Variants in PXDC1 observed in about 807,000 individuals in gnomAD.
The protein encoded by PXDC1 is PX domain containing 1.
PXDC1 carries 13 observed loss-of-function variants against 24.4 expected under a neutral mutation model. The observed-to-expected ratio is 0.53, with a 90% CI of 0.35 to 0.85. PXDC1 has a LOEUF of 0.85. Ranked by LOEUF, PXDC1 falls within the 40% of genes least tolerant of loss-of-function variation. PXDC1 has a pLI of 0.01. For synonymous variants in PXDC1, 162 were observed against 124.9 expected, an observed-to-expected ratio of 1.30 and a Z score of -1.98; for missense variants, 344 against 309.3, an observed-to-expected ratio of 1.11 and a Z score of -0.84.
intron 1 of PXDC1, among the ~76,000 whole-genome samples, chr6:3,743,696 T>C (rs896922841): frequency 2.6e-5 from 4 of 152,252 alleles, no homozygotes; most frequent in African/African-American, 9.6e-5. Context: ...AACCTGAGGC[T>C]GCTCTTCGCT....
intron 1 of PXDC1, among the ~76,000 whole-genome samples, chr6:3,750,470 G>T (rs1479764206): frequency 1.0e-4 from 15 of 147,326 alleles, no homozygotes; most frequent in Admixed American, 1.0e-3. Context: ...CCTCCACCCC[G>T]CAATTCTTCC....
rs139817927 is a variant in PXDC1 at position 3,740,159 on chromosome 6, G to A, written c.257-2011C>T. ...ATACCCATTTCATAGGACAGAAAGC[G>A]TGACCTAACAATTTACAGGTATTAT... On this transcript the variant is annotated intron_variant, in intron 1 of 4. Coordinates refer to ENST00000380283, the MANE Select transcript of PXDC1 (RefSeq NM_183373.4). Among the ~76,000 whole-genome samples the A allele has an allele frequency of 2.0e-3, 309 of 152,288 alleles. 1 individual carries two copies. The highest frequency in any genetic ancestry group is 6.9e-3 in the African/African-American group (286 of 41,566).
At chr6:3,726,964 A>C (rs896236074) in intron 4 of PXDC1, among the ~76,000 whole-genome samples, 1 of 152,220 alleles carries the variant, frequency 6.6e-6, no homozygotes, top group East Asian at 1.9e-4. Context: ...CTGTGTCAGG[A>C]AACAGAGGCC....
At chr6:3,744,718 A>T (rs552791553) in intron 1 of PXDC1, among the ~76,000 whole-genome samples, 14 of 151,938 alleles carry the variant, frequency 9.2e-5, no homozygotes, top group South Asian at 2.1e-4. Context: ...TTTATTTGAG[A>T]CGAAGTCTCG....
At chr6:3,736,020 C>T (rs747259334) in intron 3 of PXDC1, among the ~76,000 whole-genome samples, 1 of 152,174 alleles carries the variant, frequency 6.6e-6, no homozygotes, top group African/African-American at 2.4e-5. Flanking sequence ...CTCCAGGTTC[C>T]AGAACCTGCC....
intron 1 of PXDC1, among the ~76,000 whole-genome samples, chr6:3,744,554 G>T (rs1167831504): frequency 6.6e-6 from 1 of 152,236 alleles, no homozygotes; most frequent in African/African-American, 2.4e-5. Flanking sequence ...GGAGGGCAGG[G>T]GTGGGGAGAG....
Position 3,727,647 on chromosome 6 carries a change from T to G in PXDC1, c.482A>C (p.Asn161Thr). ...PVKISEIMRS[N>T]GFCLANTETI... ...TTCGGTATTTGCTAAACAAAATCCA[T>G]TGGACCTCATGATTTCTGAAAACCA... Residue 161 changes from asparagine (N) to threonine (T), a missense_variant, in exon 4 of 5, where the codon AAT becomes ACT. By Grantham distance (65) the Asn-to-Thr change is moderately conservative. Coordinates refer to ENST00000380283, the MANE Select transcript of PXDC1 (RefSeq NM_183373.4). 6.2e-7 allele frequency: 1 copy of G among 1,612,970 alleles called. No individual in the cohort carries two copies. The highest frequency in any genetic ancestry group is 8.5e-7 in the Non-Finnish European group (1 of 1,178,904).
At chr6:3,730,001 A>G (rs59177854) in intron 3 of PXDC1, among the ~76,000 whole-genome samples, 15,287 of 152,242 alleles carry the variant, frequency 0.1, 1,095 homozygotes, top group African/African-American at 0.2. Flanking sequence ...TAGATTTGTA[A>G]GCAATCCTTC....
Position 3,751,569 on chromosome 6 carries a change from GCCGCCCGC to G in PXDC1, c.-46_-39del. On this transcript the variant is annotated 5_prime_UTR_variant, in exon 1 of 5. Transcript: ENST00000380283. ...CCCCCGCCAAGGGCTCCCCAGCCCC[GCCGCCCGC>G]CCGCCCGCAGGAGGCGCGCCCCGGC... 4 of 1,473,808 alleles carry G rather than the reference GCCGCCCGC, an allele frequency of 2.7e-6. No homozygotes were observed. The highest frequency in any genetic ancestry group is 1.8e-4 in the Middle Eastern group (1 of 5,450). The allele number at this position is 1,473,808 out of a possible 1,614,324, so 91.3% of individuals were successfully genotyped here. A position where few individuals can be genotyped will look rare whatever the true frequency, so the allele number is the denominator to read the frequency against.
intron 1 of PXDC1, among the ~76,000 whole-genome samples, chr6:3,747,443 A>C (rs1183063453): frequency 6.6e-6 from 1 of 151,968 alleles, no homozygotes; most frequent in Non-Finnish European, 1.5e-5. Context: ...TAAAAGCCCA[A>C]ATGTGACCAC....
At chr6:3,745,432 C>T (rs1272596503) in intron 1 of PXDC1, among the ~76,000 whole-genome samples, 1 of 152,238 alleles carries the variant, frequency 6.6e-6, no homozygotes, top group Non-Finnish European at 1.5e-5. Flanking sequence ...AACGGCCCTG[C>T]GTGCGGATAT....
chr6:3,734,921 C>T (rs1263063437), intron 3 of PXDC1, among the ~76,000 whole-genome samples: 5 of 151,978 alleles, frequency 3.3e-5, no homozygotes, highest in African/African-American at 1.2e-4. Context: ...CTCATCTCTA[C>T]AAAAAATACA....
rs115629567 is a variant in PXDC1 at position 3,724,050 on chromosome 6, G to A, written c.579-314C>T. Among the ~76,000 whole-genome samples, 368 of 152,334 alleles carry A rather than the reference G, an allele frequency of 2.4e-3. 2 individuals carry two copies. The highest frequency in any genetic ancestry group is 8.4e-3 in the African/African-American group (349 of 41,580). ...CGCGTCAGGCTGTGGGATCAGCAGT[G>A]AACAAGGCAGGCAGGGTCTGTCCTC... On this transcript the variant is annotated intron_variant, in intron 4 of 4. Coordinates refer to ENST00000380283, the MANE Select transcript of PXDC1 (RefSeq NM_183373.4). This position sits in a 1 kb window ranked among gnomAD's most constrained non-coding sequence, Gnocchi z 4.5.
intron 1 of PXDC1, among the ~76,000 whole-genome samples, chr6:3,743,567 T>C (rs1400242631): frequency 6.6e-6 from 1 of 152,166 alleles, no homozygotes; most frequent in African/African-American, 2.4e-5. Context: ...CCTTTAAAAC[T>C]TCCTAAGTAC....
chr6:3,728,764 G>C lies in PXDC1; in HGVS notation c.467-1102C>G, dbSNP rs1362260731. Among the ~76,000 whole-genome samples the C allele has an allele frequency of 1.3e-5, 2 of 152,144 alleles. No individual in the cohort carries two copies. The highest frequency in any genetic ancestry group is 2.9e-5 in the Non-Finnish European group (2 of 68,038). On this transcript the variant is annotated intron_variant, in intron 3 of 4. Coordinates refer to ENST00000380283, the MANE Select transcript of PXDC1 (RefSeq NM_183373.4). This position sits in a 1 kb window ranked among gnomAD's most constrained non-coding sequence, Gnocchi z 4.0. ...CATCTGGTCCATCTAGGTATAAAAAGCTGCAGCGTTCGTTTGTATTTTCTG... is the reference window on the plus strand; with the variant it reads ...CATCTGGTCCATCTAGGTATAAAAACCTGCAGCGTTCGTTTGTATTTTCTG...
At chr6:3,730,576 T>A (rs1760173096) in intron 3 of PXDC1, among the ~76,000 whole-genome samples, 1 of 151,716 alleles carries the variant, frequency 6.6e-6, no homozygotes, top group Non-Finnish European at 1.5e-5. Flanking sequence ...TAGGGACCAC[T>A]GGTTTAAGGA....
At chr6:3,749,784 C>T (rs1435523148) in intron 1 of PXDC1, among the ~76,000 whole-genome samples, 3 of 152,126 alleles carry the variant, frequency 2.0e-5, no homozygotes, top group Admixed American at 6.5e-5. Context: ...CACGGGGATC[C>T]CGCTCCAACC....
intron 3 of PXDC1, among the ~76,000 whole-genome samples, chr6:3,735,189 T>C (rs1443942895): frequency 6.6e-6 from 1 of 152,138 alleles, no homozygotes; most frequent in Non-Finnish European, 1.5e-5. Context: ...GGCATCACAC[T>C]ACACAATTTC....
rs759605860 is a variant in PXDC1, at chr6:3,738,112, G to C, written c.293C>G (p.Thr98Ser). 2.5e-6 allele frequency: 4 copies of C among 1,614,116 alleles called. No homozygotes were observed. Among genetic ancestry groups the C allele is most frequent in the Non-Finnish European group, 3.4e-6 (4 of 1,180,032 alleles). Residue 98 changes from threonine (T) to serine (S), a missense_variant, in exon 2 of 5, where the codon ACC (threonine) becomes AGC (serine). Transcript: ENST00000380283. Reference protein sequence around the residue: ...VAIKEAHDIETRLNEVEKLLK... With the variant: ...VAIKEAHDIESRLNEVEKLLK... ...CAGCTTCTCCACCTCATTAAGCCTG[G>C]TCTCTATGTCGTGGGCTTCCTTTAT... is the stretch of plus-strand genomic sequence containing the variant.
Sources: allele counts gnomAD v4.1 joint callset (sites outside exome capture counted in the v4.1 genomes callset), GRCh38; gene constraint gnomAD v4.1.1; non-coding constraint Gnocchi (gnomAD v3.1); transcripts MANE v1.5; gene names NCBI Gene and HGNC (gene_info 2026-07-23, HGNC 2026-07-21).